The following BMP2K variants were observed in gnomAD, a reference collection of about 807,000 sequenced individuals.
BMP2K encodes the protein BMP-2-inducible protein kinase.
A neutral mutation model predicts 116.0 loss-of-function variants in BMP2K; 74 were observed. That is an observed-to-expected ratio of 0.64 (90% CI 0.53 to 0.77). The LOEUF is 0.77. Ranked by LOEUF, BMP2K falls within the 30% of genes least tolerant of loss-of-function variation. The pLI is 0.00. For missense variants in BMP2K, 1,365 were observed against 1,403.6 expected, an observed-to-expected ratio of 0.97 and a Z score of 0.44; for synonymous variants, 486 against 502.5, an observed-to-expected ratio of 0.97 and a Z score of 0.44.
At chr4:78,870,711 G>A in intron 10 of BMP2K, 72 bp from the exon 11 acceptor site, 1 of 1,521,854 alleles carries the variant, frequency 6.6e-7, no homozygotes, top group Non-Finnish European at 8.8e-7. Flanking sequence ...TTATTGAAAT[G>A]AGCATGTTGA....
chr4:78,819,683 G>A (rs1026711256), intron 1 of BMP2K, among the ~76,000 whole-genome samples: 5 of 152,058 alleles, frequency 3.3e-5, no homozygotes, highest in African/African-American at 7.2e-5. Flanking sequence ...GTCTGACTCC[G>A]AAAGCCTTGC....
At position 78,832,712 on chromosome 4, in the gene BMP2K, C is replaced by A. The variant is rs185207124; in HGVS notation, c.298-870C>A. Among the ~76,000 whole-genome samples, 393 of 152,180 alleles carry A rather than the reference C, an allele frequency of 2.6e-3. 1 individual carries two copies. Among genetic ancestry groups the A allele is most frequent in the Non-Finnish European group, 4.4e-3 (301 of 67,926 alleles). On this transcript the variant is annotated intron_variant, in intron 2 of 15. Coordinates refer to ENST00000502613, the MANE Select transcript of BMP2K (RefSeq NM_198892.2). The stretch of plus-strand genomic sequence containing the variant: ...GAGATATGATGTATAAGGAGCAGCA[C>A]ACTCAAATCTTGTGCTTTTGAACAT...
chr4:78,799,772 T>A (rs62310802), intron 1 of BMP2K, among the ~76,000 whole-genome samples: 30,361 of 151,952 alleles, frequency 0.2, 6,658 homozygotes, highest in African/African-American at 0.55. Flanking sequence ...GTACCAAGAT[T>A]TGATTTTTCC....
chr4:78,799,742 G>A (rs966980687), intron 1 of BMP2K, among the ~76,000 whole-genome samples: 1 of 151,152 alleles, frequency 6.6e-6, no homozygotes, highest in South Asian at 2.1e-4. Flanking sequence ...ACAGTGATAT[G>A]CTATAAATGG....
At chr4:78,787,834 A>C (rs1054366936) in intron 1 of BMP2K, among the ~76,000 whole-genome samples, 2 of 152,110 alleles carry the variant, frequency 1.3e-5, no homozygotes, top group African/African-American at 4.8e-5. Context: ...ACCCTTGACT[A>C]TTCTTTCTTT....
chr4:78,819,164 G>A (rs1309765074), intron 1 of BMP2K, among the ~76,000 whole-genome samples: 2 of 152,122 alleles, frequency 1.3e-5, no homozygotes, highest in African/African-American at 2.4e-5. Context: ...CAAGGGGAAG[G>A]CGGAAGCAAG....
intron 2 of BMP2K, among the ~76,000 whole-genome samples, chr4:78,831,529 CCTA>C (rs1158422960): frequency 2.0e-5 from 3 of 152,146 alleles, no homozygotes; most frequent in Non-Finnish European, 4.4e-5. Flanking sequence ...CCAAAAAAAT[CCTA>C]CTGTCTGAAT....
intron 15 of BMP2K, among the ~76,000 whole-genome samples, chr4:78,907,786 A>G (rs1353181098): frequency 2.6e-5 from 4 of 152,136 alleles, no homozygotes; most frequent in Admixed American, 2.6e-4. Flanking sequence ...TTGTTAGGGA[A>G]ATAGCCTCTG....
In BMP2K at chr4:78,851,018, A is replaced by G. The variant is rs1731226834; in HGVS notation, c.845A>G (p.Asp282Gly). Residue 282 changes from aspartate to glycine, a missense_variant, in exon 7 of 16, where the codon GAC (aspartate) becomes GGC (glycine). This residue lies in a region of BMP2K where 762 missense variants were observed against 756.7 expected (regional missense o/e 1.01). Transcript: ENST00000502613. ...AICDGNFTIP[D>G]NSRYSRNIHC... ...TGTGATGGCAACTTCACCATCCCAG[A>G]CAATTCTCGTTACTCCCGTAACATA... is the stretch of plus-strand genomic sequence containing the variant. The G allele has an allele frequency of 6.2e-7, 1 of 1,611,828 alleles. No individual in the cohort carries two copies. The highest frequency in any genetic ancestry group is 1.1e-5 in the South Asian group (1 of 90,994).
At chr4:78,806,419 C>T (rs924036796) in intron 1 of BMP2K, among the ~76,000 whole-genome samples, 11 of 152,106 alleles carry the variant, frequency 7.2e-5, no homozygotes, top group African/African-American at 4.8e-5. Flanking sequence ...TTCAAGCAGT[C>T]CTCCTGCCTT....
chr4:78,861,640 A>G (rs1423353266), intron 9 of BMP2K, among the ~76,000 whole-genome samples, 172 bp downstream of exon 9: 1 of 152,028 alleles, frequency 6.6e-6, no homozygotes, highest in African/African-American at 2.4e-5. Context: ...TTTTAAAAAT[A>G]TTAGATAAGG....
At position 78,878,641 on chromosome 4, in the gene BMP2K, G is replaced by A. The variant is rs2110066793; in HGVS notation, c.1794-93G>A. On this transcript the variant is annotated intron_variant, in intron 13 of 15. Transcript: ENST00000502613. ...ATAAGGAAATGATTTGGTTTTCTAAGTATTTATAAAGTATAAAGTAGGGCA... is the reference window on the plus strand; with the variant it reads ...ATAAGGAAATGATTTGGTTTTCTAAATATTTATAAAGTATAAAGTAGGGCA... 9 of 1,054,376 alleles carry A rather than the reference G, an allele frequency of 8.5e-6. No individual in the cohort carries two copies. In the South Asian group the frequency reaches 1.4e-4, roughly 17 times the overall value. 65.3% of individuals were successfully genotyped at this position (1,054,376 alleles called of 1,614,324 possible). A position where few individuals can be genotyped will look rare whatever the true frequency, so the allele number is the denominator to read the frequency against.
intron 3 of BMP2K, among the ~76,000 whole-genome samples, chr4:78,840,669 C>A (rs927941313): frequency 6.6e-6 from 1 of 151,830 alleles, no homozygotes; most frequent in Non-Finnish European, 1.5e-5. Flanking sequence ...TCAGAAAACT[C>A]TGAGTTTTGA....
chr4:78,836,236 T>G (rs1244065552), intron 3 of BMP2K, among the ~76,000 whole-genome samples: 1 of 151,896 alleles, frequency 6.6e-6, no homozygotes, highest in Non-Finnish European at 1.5e-5. Flanking sequence ...ACCAACATAG[T>G]GAAACCCCTT....
At chr4:78,789,759 G>T (rs577926290) in intron 1 of BMP2K, among the ~76,000 whole-genome samples, 1 of 152,314 alleles carries the variant, frequency 6.6e-6, no homozygotes, top group African/African-American at 2.4e-5. Context: ...ATGAAATAGT[G>T]TATTTGTGAA....
At chr4:78,860,113 G>A (rs1364773899) in intron 8 of BMP2K, 3 of 504,380 alleles carry the variant, frequency 5.9e-6, no homozygotes, top group Non-Finnish European at 1.2e-5. Flanking sequence ...AAAGAGCACA[G>A]GCCTTGTTAA....
chr4:78,884,881 A>T (rs542933412), intron 14 of BMP2K, among the ~76,000 whole-genome samples: 1 of 152,068 alleles, frequency 6.6e-6, no homozygotes, highest in East Asian at 1.9e-4. Context: ...TTATTCTTCA[A>T]CCTTTTGCAG....
chr4:78,821,409 C>T (rs1729610871), intron 1 of BMP2K, among the ~76,000 whole-genome samples: 1 of 152,190 alleles, frequency 6.6e-6, no homozygotes, highest in African/African-American at 2.4e-5. Flanking sequence ...CCATTTGTGA[C>T]TACCCCTGTA....
At chr4:78,810,435 T>G (rs1182084067) in intron 1 of BMP2K, among the ~76,000 whole-genome samples, 2 of 152,224 alleles carry the variant, frequency 1.3e-5, no homozygotes, top group African/African-American at 4.8e-5. Flanking sequence ...GGTCGACCTC[T>G]TTTTATCTGT....
Sources: gnomAD v4.1 joint callset for allele counts (sites outside exome capture counted in the v4.1 genomes callset) on GRCh38, gnomAD v4.1.1 for gene constraint, gnomAD v4.1.1 regional missense constraint, MANE v1.5 for transcripts, NCBI Gene and HGNC (gene_info 2026-07-23, HGNC 2026-07-21) for gene names.